The following MTRR variants were observed in gnomAD, a reference collection of about 807,000 sequenced individuals.
MTRR encodes 5-methyltetrahydrofolate-homocysteine methyltransferase reductase.
In MTRR, 63 loss-of-function variants were observed where a neutral mutation model predicts 79.2. That is an observed-to-expected ratio of 0.80 (90% confidence interval 0.65 to 0.98). MTRR has a LOEUF of 0.98. MTRR is among the 50% of genes least tolerant of loss of function. MTRR has a pLI of 0.00. For missense variants in MTRR, 895 were observed against 839.6 expected (o/e 1.07, Z -0.82); for synonymous variants, 355 against 313.3 (o/e 1.13, Z -1.41).
chr5:7,851,612 C>G (rs1286340014), intron 1 of MTRR: 1 of 152,122 alleles, frequency 6.6e-6, no homozygotes. Flanking sequence ...ATCATTTCAA[C>G]AAATGGCACT....
upstream of MTRR, chr5:7,869,012 C>T: frequency 2.5e-6 from 3 of 1,207,402 alleles, no homozygotes; most frequent in South Asian, 1.2e-5. Context: ...CGGGTGGTCG[C>T]GGAAGCGCCT....
At chr5:7,866,914 A>G (rs77130393), upstream of MTRR, 30,361 of 1,614,182 alleles carry the variant, frequency 0.019, 322 homozygotes, top group Non-Finnish European at 0.023. Flanking sequence ...CTGCCACTGC[A>G]TTGAGGATGG....
intron 14 of MTRR, among the ~76,000 whole-genome samples, chr5:7,898,248 C>T (rs1347605429): frequency 6.6e-6 from 1 of 151,764 alleles, no homozygotes; most frequent in East Asian, 1.9e-4. Context: ...TTTTGTTTGG[C>T]GAGGACAGTG....
chr5:7,867,953 C>T (rs749876184), upstream of MTRR: 2 of 1,614,070 alleles, frequency 1.2e-6, no homozygotes, highest in Non-Finnish European at 1.7e-6. Flanking sequence ...TGAACACAAC[C>T]AAGGGCACAG....
intron 11 of MTRR, chr5:7,893,411 T>G: frequency 5.9e-6 from 1 of 168,942 alleles, no homozygotes; most frequent in East Asian, 1.6e-4. Flanking sequence ...ATCTGTGGTG[T>G]CTGACATCTG....
rs562830043 is a variant in MTRR at position 7,875,495 on chromosome 5, G to A, written c.401+120G>A. On this transcript the variant is annotated intron_variant, in intron 4 of 14. Transcript: ENST00000440940. The stretch of plus-strand genomic sequence containing the variant: ...TTTTCCTCATGTTTTACTTTTGTTC[G>A]CTTTTTTAGCTTTAGGATCCAAGAG... 1.2e-4 allele frequency: 109 copies of A among 926,534 alleles called. No homozygotes were observed. The East Asian group carries it at 1.8e-3, about 16-fold the overall frequency. The allele number at this position is 926,534 out of a possible 1,614,324, so 57.4% of individuals were successfully genotyped here. A position where few individuals can be genotyped will look rare whatever the true frequency, so the allele number is the denominator to read the frequency against.
chr5:7,857,261 A>G (rs543865303), intron 1 of MTRR, among the ~76,000 whole-genome samples: 6 of 152,228 alleles, frequency 3.9e-5, no homozygotes, highest in South Asian at 2.1e-4. Context: ...ATTGCAACTG[A>G]CACATTCAGA....
At chr5:7,871,539 G>A (rs559080745) in intron 2 of MTRR, among the ~76,000 whole-genome samples, 1 of 152,320 alleles carries the variant, frequency 6.6e-6, no homozygotes, top group African/African-American at 2.4e-5. Context: ...GGCGATAACA[G>A]TTGGCAGGGG....
chr5:7,885,501 C>T (rs991090429), intron 6 of MTRR, among the ~76,000 whole-genome samples, 200 bp from the exon 7 acceptor site: 1 of 151,490 alleles, frequency 6.6e-6, no homozygotes, highest in Non-Finnish European at 1.5e-5. Context: ...TTAATAGTAA[C>T]TGCTAATAAT....
At chr5:7,873,654 G>A in intron 3 of MTRR, 128 bp downstream of exon 3, 8 of 1,064,636 alleles carry the variant, frequency 7.5e-6, no homozygotes, top group Non-Finnish European at 1.1e-5. Context: ...TTATGTATAT[G>A]TATATATAAA....
chr5:7,869,055 C>A (rs1051396574), upstream of MTRR: 3 of 1,531,564 alleles, frequency 2.0e-6, no homozygotes, highest in African/African-American at 2.7e-5. Context: ...AAACGCGGGG[C>A]GGGAGCACGA....
intron 11 of MTRR, chr5:7,893,695 C>G (rs17267737): frequency 0.14 from 20,630 of 152,170 alleles, 1,873 homozygotes; most frequent in Non-Finnish European, 0.2. Context: ...ATCAGTGATT[C>G]ACTTGGAGTG....
chr5:7,896,425 T>G, intron 12 of MTRR: 1 of 210,840 alleles, frequency 4.7e-6, no homozygotes, highest in African/African-American at 2.4e-5. Flanking sequence ...TCGTTTTAAT[T>G]TTTTCCTTAA....
chr5:7,897,288 T>A, intron 14 of MTRR, 41 bp downstream of exon 14: 1 of 1,600,274 alleles, frequency 6.2e-7, no homozygotes, highest in Admixed American at 1.7e-5. Flanking sequence ...GAGAGGGCCA[T>A]CAGTGATGTC....
chr5:7,861,273 A>T, intron 1 of MTRR: 1 of 1,395,584 alleles, frequency 7.2e-7, no homozygotes, highest in Non-Finnish European at 9.7e-7. Context: ...CCTGAAAAAT[A>T]AAAAAGGAGA....
chr5:7,872,218 CTCTTT>C (rs1164057953), intron 2 of MTRR: 5 of 453,464 alleles, frequency 1.1e-5, no homozygotes, highest in African/African-American at 1.0e-4. Flanking sequence ...AAGTTGTTAC[CTCTTT>C]TATCAGTGTG....
chr5:7,861,456 A>G, intron 1 of MTRR: 1 of 674,286 alleles, frequency 1.5e-6, no homozygotes, highest in Non-Finnish European at 2.3e-6. Flanking sequence ...CCAACATGGT[A>G]TTCTGAAATG....
At chr5:7,879,462 C>CA (rs35558077) in intron 5 of MTRR, among the ~76,000 whole-genome samples, 19,102 of 88,130 alleles carry the variant, frequency 0.22, 2,164 homozygotes, top group East Asian at 0.43. Flanking sequence ...GACTCCGTCT[C>CA]AAAAAAAAAA....
intron 1 of MTRR, chr5:7,861,241 G>C: frequency 6.2e-7 from 1 of 1,609,220 alleles, no homozygotes; most frequent in Non-Finnish European, 8.5e-7. Flanking sequence ...AACCTTTTTG[G>C]ACCATCAATA....
Sources: allele counts gnomAD v4.1 joint callset (sites outside exome capture counted in the v4.1 genomes callset), GRCh38; gene constraint gnomAD v4.1.1; transcripts MANE v1.5; gene names NCBI Gene and HGNC (gene_info 2026-07-23, HGNC 2026-07-21).